Variants in JAKMIP3 observed in about 807,000 individuals in gnomAD.
The protein encoded by JAKMIP3 is Janus kinase and microtubule interacting protein 3.
JAKMIP3 carries 58 observed loss-of-function variants against 118.5 expected under a neutral mutation model. The observed-to-expected ratio is 0.49, with a 90% CI of 0.40 to 0.61. The LOEUF (loss-of-function observed/expected upper bound fraction) is 0.61. Ranked by LOEUF, JAKMIP3 falls within the 20% of genes least tolerant of loss-of-function variation. The pLI is 0.00. For synonymous variants in JAKMIP3, 486 were observed against 451.2 expected (o/e 1.08, Z -0.98); for missense variants, 950 against 1,109.0 (o/e 0.86, Z 2.04).
intron 2 of JAKMIP3, among the ~76,000 whole-genome samples, chr10:132,114,909 A>G (rs2135271009): frequency 6.6e-6 from 1 of 152,324 alleles, no homozygotes. Context: ...TGCTGATGAT[A>G]TATAGAAATC....
chr10:132,044,923 A>T lies in JAKMIP3; in HGVS notation c.-138+8185A>T, dbSNP rs1332563653. On this transcript the variant is annotated intron_variant, in intron 1 of 23. Coordinates refer to the JAKMIP3 transcript ENST00000657785. This position sits in a 1 kb window ranked among gnomAD's most constrained non-coding sequence, Gnocchi z 5.3. ...TGCTTCACCGTGTTGCATGCGCGTC[A>T]GGATTTCCTTCCTTGAAGGCTGAAT... 6.6e-6 allele frequency among the ~76,000 whole-genome samples: 1 copy of T among 152,044 alleles called. No homozygotes were observed. The highest frequency in any genetic ancestry group is 1.5e-5 in the Non-Finnish European group (1 of 68,022).
chr10:132,098,678 G>T (rs1313936217), intron 1 of JAKMIP3, among the ~76,000 whole-genome samples: 5 of 152,214 alleles, frequency 3.3e-5, no homozygotes, highest in African/African-American at 1.2e-4. Flanking sequence ...CTGAGTGGCT[G>T]CCAGAGCCCC....
rs183276858 is a variant in JAKMIP3, at chr10:132,176,338, G to A, written c.*1104-6019G>A. Among the ~76,000 whole-genome samples the A allele has an allele frequency of 2.4e-3, 368 of 152,300 alleles. 2 individuals are homozygous for A. The highest frequency in any genetic ancestry group is 8.5e-3 in the African/African-American group (353 of 41,558). The stretch of plus-strand genomic sequence containing the variant: ...GGGTCCCTGCTGGCAGCTCCTGCCT[G>A]GTCCCCTCATCCTCAGCACAGCATC... On this transcript the variant is annotated intron_variant, in intron 23 of 23. Transcript: ENST00000684848.
chr10:132,171,801 G>T (rs1454022800), intron 23 of JAKMIP3, among the ~76,000 whole-genome samples: 1 of 151,816 alleles, frequency 6.6e-6, no homozygotes, highest in South Asian at 2.1e-4. Context: ...ATTACAGGCA[G>T]GCACCACCAC....
chr10:132,167,915 C>G lies in JAKMIP3; in HGVS notation c.*23-38C>G, dbSNP rs778495569. The G allele has an allele frequency of 7.8e-6, 10 of 1,277,718 alleles. No homozygotes were observed. The South Asian group carries it at 1.2e-4, about 16-fold the overall frequency. 79.1% of individuals were successfully genotyped at this position (1,277,718 alleles called of 1,614,324 possible). ...CGCCCCTCACTCCAGCCAAGCGGAG[C>G]CTCGCTGACTCTGCACTCTACGTTT... On this transcript the variant is annotated intron_variant, in intron 22 of 23. Transcript: ENST00000684848.
chr10:132,039,616 C>A (rs978564826), intron 1 of JAKMIP3, among the ~76,000 whole-genome samples: 3 of 152,214 alleles, frequency 2.0e-5, no homozygotes, highest in Non-Finnish European at 4.4e-5. Context: ...TACAGCAGCA[C>A]ATCTGTGCAC....
At chr10:132,108,433 TCTC>T (rs2046255845) in intron 2 of JAKMIP3, among the ~76,000 whole-genome samples, 1 of 152,054 alleles carries the variant, frequency 6.6e-6, no homozygotes, top group Non-Finnish European at 1.5e-5. Flanking sequence ...TTATTCTTCA[TCTC>T]CTCAGCTTCC....
At chr10:132,087,710 AT>A (rs1054415860) in intron 1 of JAKMIP3, among the ~76,000 whole-genome samples, 2,834 of 142,560 alleles carry the variant, frequency 0.02, 61 homozygotes, top group African/African-American at 0.061. Context: ...TGAAGTCTTG[AT>A]TTTTTTTTTT....
intron 9 of JAKMIP3, among the ~76,000 whole-genome samples, chr10:132,138,924 A>G (rs933923667): frequency 2.0e-5 from 3 of 152,264 alleles, no homozygotes; most frequent in Admixed American, 1.3e-4. Flanking sequence ...CCACGTCCCC[A>G]GGAAATGTGA....
chr10:132,120,434 C>T (rs996582066), intron 3 of JAKMIP3, among the ~76,000 whole-genome samples: 1 of 152,244 alleles, frequency 6.6e-6, no homozygotes, highest in Admixed American at 6.5e-5. Flanking sequence ...CCTTCCTCCA[C>T]CCCTGACCAC....
At chr10:132,181,350 C>T (rs2061448307) in intron 23 of JAKMIP3, 1 of 152,204 alleles carries the variant, frequency 6.6e-6, no homozygotes, top group Non-Finnish European at 1.5e-5. Context: ...TCACATAATT[C>T]AGAGAGGCAT....
At chr10:132,149,256 C>G (rs1367788157) in intron 14 of JAKMIP3, among the ~76,000 whole-genome samples, 156 bp from the exon 15 acceptor site, 3 of 152,066 alleles carry the variant, frequency 2.0e-5, no homozygotes, top group Admixed American at 6.5e-5. Context: ...AGTGCAGATT[C>G]TGCCACCACT....
intron 11 of JAKMIP3, among the ~76,000 whole-genome samples, chr10:132,142,748 C>CTGGTA (rs887250917): frequency 6.6e-6 from 1 of 152,196 alleles, no homozygotes; most frequent in African/African-American, 2.4e-5. Context: ...GGACCTGCAC[C>CTGGTA]TGGTACCCCT....
In JAKMIP3 at chr10:132,179,709, CCACACCACGGCAGGGT is replaced by C. The variant is rs988591362; in HGVS notation, c.*1104-2646_*1104-2631del. On this transcript the variant is annotated intron_variant, in intron 23 of 23. Transcript: ENST00000684848. The surrounding 1 kb of genome is among the most constrained non-coding windows in gnomAD (Gnocchi z 4.3). ...AGCACACAGTCACACCACAGCAGGG[CCACACCACGGCAGGGT>C]CGCACCACAGCAGGGTCACGCCACG... 2.6e-5 allele frequency among the ~76,000 whole-genome samples: 4 copies of C among 151,872 alleles called. No individual in the cohort carries two copies.
chr10:132,172,170 G>A (rs551347687), intron 23 of JAKMIP3, among the ~76,000 whole-genome samples: 6 of 152,054 alleles, frequency 3.9e-5, no homozygotes, highest in Admixed American at 2.0e-4. Context: ...AAGAACTGGC[G>A]GGTTATTTTG....
At chr10:132,064,517 C>G (rs2038555129), upstream of JAKMIP3, among the ~76,000 whole-genome samples, 2 of 152,198 alleles carry the variant, frequency 1.3e-5, no homozygotes, top group Admixed American at 6.5e-5. The surrounding 1 kb of genome is among the most constrained non-coding windows in gnomAD (Gnocchi z 4.4). Flanking sequence ...CGTTCCGGGT[C>G]TGAATCCAGC....
rs1257478085 is a variant in JAKMIP3 at position 132,042,216 on chromosome 10, T to TTCCTTCCTTCCTTCCTTCCTTCCTTCC, written c.-138+5480_-138+5481insCTTCCTTCCTTCCTTCCTTCCTTCCTC. ...CTTCCTTCCTTCCTTCCTTCCTTCC[T>TTCCTTCCTTCCTTCCTTCCTTCCTTCC]TCTTTCCTCCTCCTCCTTTCACAGG... On this transcript the variant is annotated intron_variant, in intron 1 of 23. Coordinates refer to the JAKMIP3 transcript ENST00000657785. Among the ~76,000 whole-genome samples the TTCCTTCCTTCCTTCCTTCCTTCCTTCC allele has an allele frequency of 2.5e-3, 371 of 151,040 alleles. 7 individuals are homozygous for TTCCTTCCTTCCTTCCTTCCTTCCTTCC. Among genetic ancestry groups the TTCCTTCCTTCCTTCCTTCCTTCCTTCC allele is most frequent in the African/African-American group, 8.3e-3 (340 of 40,816 alleles).
chr10:132,138,784 G>A (rs1399878313), intron 9 of JAKMIP3, among the ~76,000 whole-genome samples: 4 of 152,084 alleles, frequency 2.6e-5, no homozygotes, highest in South Asian at 2.1e-4. Flanking sequence ...GAGGACGGGC[G>A]GCTGAGGCTG....
intron 1 of JAKMIP3, among the ~76,000 whole-genome samples, chr10:132,097,256 T>G (rs1042282942): frequency 3.3e-5 from 5 of 152,260 alleles, no homozygotes; most frequent in African/African-American, 1.2e-4. Flanking sequence ...CCAGGTATCC[T>G]CCAGTGGGCG....
Sources: gnomAD v4.1 joint callset for allele counts (sites outside exome capture counted in the v4.1 genomes callset) on GRCh38, gnomAD v4.1.1 for gene constraint, Gnocchi (gnomAD v3.1) non-coding constraint, MANE v1.5 for transcripts, NCBI Gene and HGNC (gene_info 2026-07-23, HGNC 2026-07-21) for gene names.